Variants in EML1 observed in about 807,000 individuals in gnomAD.
EML1 encodes EMAP like 1.
EML1 carries 27 observed loss-of-function variants against 110.4 expected under a neutral mutation model. The observed-to-expected ratio is 0.24, with a 90% CI of 0.18 to 0.34. The LOEUF (loss-of-function observed/expected upper bound fraction) is 0.34, where lower values mean the gene tolerates loss of function less well. Ranked by LOEUF, EML1 falls within the 10% of genes least tolerant of loss-of-function variation. The pLI is 1.00. For synonymous variants in EML1, 344 were observed against 385.8 expected, an observed-to-expected ratio of 0.89 and a Z score of 1.27; for missense variants, 741 against 1,030.9, an observed-to-expected ratio of 0.72 and a Z score of 3.85.
chr14:99,857,077 G>T (rs1302286133), intron 2 of EML1, among the ~76,000 whole-genome samples: 1 of 152,108 alleles, frequency 6.6e-6, no homozygotes, highest in East Asian at 1.9e-4. Flanking sequence ...TTAGAGACTG[G>T]CCTGGGCAAC....
intron 1 of EML1, among the ~76,000 whole-genome samples, chr14:99,758,648 G>A (rs568794006): frequency 6.6e-6 from 1 of 152,286 alleles, no homozygotes; most frequent in African/African-American, 2.4e-5. Context: ...GATTCATTAG[G>A]CGAAGAAACT....
chr14:99,849,576 A>G lies in EML1; in HGVS notation c.68-1277A>G, dbSNP rs185936496. 3.0e-4 allele frequency among the ~76,000 whole-genome samples: 46 copies of G among 151,366 alleles called. 1 individual carries two copies. In the East Asian group the frequency reaches 8.4e-3, roughly 28 times the overall value. On this transcript the variant is annotated intron_variant, in intron 1 of 21. Transcript: ENST00000262233. ...TTATTTGTTTATTTTGAGACAGAGT[A>G]TTGCTCTGTTGCCCAGGCTGGAGTG...
At chr14:99,875,386 T>C (rs1447801438) in intron 3 of EML1, among the ~76,000 whole-genome samples, 2 of 152,192 alleles carry the variant, frequency 1.3e-5, no homozygotes, top group East Asian at 3.8e-4. Flanking sequence ...TATGTAAAAG[T>C]CCAGAGTATG....
chr14:99,925,955 G>A (rs975691857), intron 17 of EML1, among the ~76,000 whole-genome samples: 1 of 152,156 alleles, frequency 6.6e-6, no homozygotes, highest in Non-Finnish European at 1.5e-5. Context: ...GCTCCATATG[G>A]AGTGAGCCCT....
In EML1 at chr14:99,940,297, A is replaced by T. The variant is rs1022037888; in HGVS notation, c.*185A>T. The T allele has an allele frequency of 5.5e-6, 4 of 731,338 alleles. No individual in the cohort carries two copies. In the East Asian group the frequency reaches 9.9e-5, roughly 18 times the overall value. 45.3% of individuals were successfully genotyped at this position (731,338 alleles called of 1,614,324 possible). A position where few individuals can be genotyped will look rare whatever the true frequency, so the allele number is the denominator to read the frequency against. The stretch of plus-strand genomic sequence containing the variant: ...ACAGCGGATCAGCGGTTCCGTGTTC[A>T]CTTTTGTTGTACAATATATGACACA... On this transcript the variant is annotated 3_prime_UTR_variant, in exon 22 of 22. Transcript: ENST00000262233.
intron 1 of EML1, among the ~76,000 whole-genome samples, chr14:99,830,781 C>T (rs1447425956): frequency 6.6e-6 from 1 of 152,090 alleles, no homozygotes; most frequent in Non-Finnish European, 1.5e-5. Context: ...GAACTCCTGA[C>T]CTCAGGTGAT....
At chr14:99,786,077 A>C (rs907082820) in intron 1 of EML1, among the ~76,000 whole-genome samples, 3 of 151,996 alleles carry the variant, frequency 2.0e-5, no homozygotes, top group Admixed American at 2.0e-4. Context: ...AAAAAAAAAA[A>C]AAAAAATCAA....
intron 1 of EML1, among the ~76,000 whole-genome samples, chr14:99,807,244 A>G (rs765351648): frequency 7.2e-5 from 11 of 152,242 alleles, no homozygotes; most frequent in Admixed American, 2.0e-4. Flanking sequence ...TGGAGTGCAT[A>G]GGCTTTGGAG....
chr14:99,823,814 T>C (rs891406143), intron 1 of EML1, among the ~76,000 whole-genome samples: 7 of 152,088 alleles, frequency 4.6e-5, no homozygotes, highest in Non-Finnish European at 8.8e-5. Context: ...AGCCTGGCTG[T>C]CACTTGGTAT....
chr14:99,798,799 A>G (rs1462824309), intron 1 of EML1, among the ~76,000 whole-genome samples: 3 of 152,198 alleles, frequency 2.0e-5, no homozygotes, highest in Admixed American at 6.5e-5. Context: ...CTTTACATGT[A>G]CTATGGCTAA....
At chr14:99,816,671 T>C (rs1443891857) in intron 1 of EML1, among the ~76,000 whole-genome samples, 1 of 152,212 alleles carries the variant, frequency 6.6e-6, no homozygotes, top group Admixed American at 6.5e-5. Context: ...TCATTTGAAA[T>C]GAAGAAGGCC....
intron 2 of EML1, among the ~76,000 whole-genome samples, chr14:99,860,271 T>C (rs891217212): frequency 6.6e-6 from 1 of 152,200 alleles, no homozygotes; most frequent in Non-Finnish European, 1.5e-5. Flanking sequence ...AAGTTAATTT[T>C]TTTTTTAAAA....
chr14:99,897,393 C>A, intron 7 of EML1, 99 bp downstream of exon 7: 4 of 1,192,058 alleles, frequency 3.4e-6, no homozygotes, highest in East Asian at 5.5e-5. Flanking sequence ...ACAGTGAAAC[C>A]CTGTCTCTAA....
chr14:99,929,532 G>A (rs1393367584), intron 17 of EML1, among the ~76,000 whole-genome samples: 1 of 152,178 alleles, frequency 6.6e-6, no homozygotes, highest in Non-Finnish European at 1.5e-5. Context: ...GGTTTATGAC[G>A]GGTTAGTTGC....
At chr14:99,783,167 G>A (rs2057560532) in intron 1 of EML1, among the ~76,000 whole-genome samples, 1 of 122,318 alleles carries the variant, frequency 8.2e-6, no homozygotes, top group African/African-American at 3.2e-5. Context: ...ACAGGCCCTG[G>A]TGTGTGATGT....
intron 6 of EML1, among the ~76,000 whole-genome samples, 189 bp from the exon 7 acceptor site, chr14:99,896,956 T>TC (rs1474990473): frequency 1.3e-5 from 2 of 152,224 alleles, no homozygotes; most frequent in East Asian, 3.8e-4. Flanking sequence ...AATGACTGTT[T>TC]CAACTTTACT....
At chr14:99,756,617 A>G (rs1265483221) in intron 1 of EML1, among the ~76,000 whole-genome samples, 2 of 152,122 alleles carry the variant, frequency 1.3e-5, no homozygotes, top group Non-Finnish European at 2.9e-5. Flanking sequence ...AATTTCTAGC[A>G]CCTAAAACCT....
intron 2 of EML1, among the ~76,000 whole-genome samples, chr14:99,857,971 A>G (rs1028203604): frequency 6.6e-6 from 1 of 152,200 alleles, no homozygotes; most frequent in Non-Finnish European, 1.5e-5. Flanking sequence ...GCATGGTACA[A>G]TGGACAGCCC....
chr14:99,816,865 T>C (rs1265207483), intron 1 of EML1, among the ~76,000 whole-genome samples: 1 of 152,234 alleles, frequency 6.6e-6, no homozygotes, highest in Non-Finnish European at 1.5e-5. Context: ...TTTTGGTCTG[T>C]CTTGCGTTTA....
Sources: gnomAD v4.1 joint callset for allele counts (sites outside exome capture counted in the v4.1 genomes callset) on GRCh38, gnomAD v4.1.1 for gene constraint, MANE v1.5 for transcripts, NCBI Gene and HGNC (gene_info 2026-07-23, HGNC 2026-07-21) for gene names.